LAMC1: variants seen among roughly 807,000 people sequenced by gnomAD.
LAMC1 encodes the protein laminin subunit gamma 1.
LAMC1 carries 38 observed loss-of-function variants against 173.6 expected under a neutral mutation model. That is an observed-to-expected ratio of 0.22 (90% CI 0.17 to 0.29). LAMC1 has a LOEUF of 0.29. Ranked by LOEUF, LAMC1 falls within the 10% of genes least tolerant of loss-of-function variation. The pLI is 1.00. For synonymous variants in LAMC1, 746 were observed against 749.1 expected, an observed-to-expected ratio of 1.00 and a Z score of 0.07; for missense variants, 1,824 against 2,051.8, an observed-to-expected ratio of 0.89 and a Z score of 2.14.
chr1:183,023,662 A>G lies in LAMC1; in HGVS notation c.-55A>G. 1 of 1,139,372 alleles carries G rather than the reference A, an allele frequency of 8.8e-7. No homozygotes were observed. 70.6% of individuals were successfully genotyped at this position (1,139,372 alleles called of 1,614,324 possible). A position where few individuals can be genotyped will look rare whatever the true frequency, so the allele number is the denominator to read the frequency against. Reference sequence around the variant, plus strand: ...GGCCTCCGGGGGACGCCGCTAGGCGAGAGGAACGCGCCGGTGCCCTTGCCT... The same window carrying G: ...GGCCTCCGGGGGACGCCGCTAGGCGGGAGGAACGCGCCGGTGCCCTTGCCT... On this transcript the variant is annotated 5_prime_UTR_variant, in exon 1 of 28. Transcript: ENST00000258341.
intron 1 of LAMC1, among the ~76,000 whole-genome samples, chr1:183,080,950 G>A (rs1335466871): frequency 2.1e-4 from 32 of 151,992 alleles, no homozygotes; most frequent in Admixed American, 2.1e-3. Flanking sequence ...GTGCGCTGGC[G>A]CGATCTTGGC....
intron 1 of LAMC1, among the ~76,000 whole-genome samples, chr1:183,063,527 G>C (rs1415559032): frequency 1.3e-5 from 2 of 152,212 alleles, no homozygotes. Context: ...GGAAGATGCT[G>C]ACATCTGATG....
chr1:183,131,782 T>G (rs1656803246), intron 20 of LAMC1, among the ~76,000 whole-genome samples: 1 of 152,250 alleles, frequency 6.6e-6, no homozygotes, highest in African/African-American at 2.4e-5. Flanking sequence ...CACAATTTTA[T>G]ATGTACATTA....
At chr1:183,094,392 C>T (rs7542277) in intron 1 of LAMC1, among the ~76,000 whole-genome samples, 71,605 of 152,108 alleles carry the variant, frequency 0.47, 18,354 homozygotes, top group East Asian at 0.61. Flanking sequence ...CGTTTTTCAC[C>T]GTCATCTGAC....
rs1270026418 is a variant in LAMC1, at chr1:183,023,948, G to A, written c.232G>A (p.Val78Met). Residue 78 changes from valine to methionine, a missense_variant, in exon 1 of 28, where the codon GTG (valine) becomes ATG (methionine). Transcript: ENST00000258341. ...TCGTPPEEYC[V>M]QTGVTGVTKS... Reference sequence around the variant, plus strand: ...TGGGACTCCGCCCGAGGAATACTGTGTGCAGACCGGGGTGACCGGGGTCAC... The same window carrying A: ...TGGGACTCCGCCCGAGGAATACTGTATGCAGACCGGGGTGACCGGGGTCAC... 6.2e-7 allele frequency: 1 copy of A among 1,613,224 alleles called. No homozygotes were observed. Among genetic ancestry groups the A allele is most frequent in the Non-Finnish European group, 8.5e-7 (1 of 1,179,982 alleles).
At position 183,062,219 on chromosome 1, in the gene LAMC1, A is replaced by G. The variant is rs974707166; in HGVS notation, c.418+38085A>G. Among the ~76,000 whole-genome samples the G allele has an allele frequency of 1.6e-4, 25 of 152,382 alleles. No homozygotes were observed. In the East Asian group the frequency reaches 4.4e-3, roughly 27 times the overall value. ...TGTTTGCAAAATTAAAAAAGTTCAA[A>G]GTTTCAAAGATACGAAGATTCTAAT... On this transcript the variant is annotated intron_variant, in intron 1 of 27. Transcript: ENST00000258341.
At chr1:183,027,650 C>T (rs1653723933) in intron 1 of LAMC1, among the ~76,000 whole-genome samples, 1 of 152,162 alleles carries the variant, frequency 6.6e-6, no homozygotes, top group East Asian at 1.9e-4. Flanking sequence ...TTCCAAGCTC[C>T]TCATAAACTG....
At chr1:183,111,955 C>T (rs544333571) in intron 4 of LAMC1, among the ~76,000 whole-genome samples, 181 of 152,262 alleles carry the variant, frequency 1.2e-3, no homozygotes, top group African/African-American at 4.3e-3. Flanking sequence ...AGGAGAATTG[C>T]TTGAACCTGG....
intron 1 of LAMC1, among the ~76,000 whole-genome samples, chr1:183,063,888 A>T (rs1030546213): frequency 6.6e-6 from 1 of 152,190 alleles, no homozygotes; most frequent in Non-Finnish European, 1.5e-5. Context: ...CGTAATTGAT[A>T]CGGATCCCTC....
At chr1:183,079,262 T>G (rs865828326) in intron 1 of LAMC1, among the ~76,000 whole-genome samples, 4,485 of 105,200 alleles carry the variant, frequency 0.043, 235 homozygotes, top group African/African-American at 0.11. Flanking sequence ...TTTTTTTTTT[T>G]TTTTTTTTTT....
intron 1 of LAMC1, among the ~76,000 whole-genome samples, chr1:183,045,400 T>C (rs1225632423): frequency 6.6e-6 from 1 of 152,082 alleles, no homozygotes; most frequent in Non-Finnish European, 1.5e-5. Flanking sequence ...AAAATAGTTT[T>C]GTAATTCCTA....
At position 183,110,514 on chromosome 1, in the gene LAMC1, A is replaced by G. The variant is rs1177584366; in HGVS notation, c.881A>G (p.Glu294Gly). The G allele has an allele frequency of 1.2e-6, 2 of 1,613,400 alleles. No individual in the cohort carries two copies. The highest frequency in any genetic ancestry group is 3.3e-5 in the Admixed American group (2 of 59,992). Residue 294 changes from glutamate to glycine, a missense_variant, in exon 4 of 28, where the codon GAG (glutamate) becomes GGG (glycine). Glu to Gly is a moderately conservative substitution (Grantham distance 98). Transcript: ENST00000258341. Reference sequence around the variant, plus strand: ...TGTAAATGTAATGGACACGCAAGCGAGTGTATGAAGAACGAATTTGATAAG... The same window carrying G: ...TGTAAATGTAATGGACACGCAAGCGGGTGTATGAAGAACGAATTTGATAAG... ...GRCKCNGHAS[E>G]CMKNEFDKLV...
intron 1 of LAMC1, among the ~76,000 whole-genome samples, chr1:183,037,454 A>T (rs561849222): frequency 5.3e-4 from 81 of 152,304 alleles, no homozygotes; most frequent in Non-Finnish European, 1.0e-3. Context: ...TAACCCTTAC[A>T]TGGTATGTTT....
At chr1:183,101,922 A>G (rs1245441840) in intron 1 of LAMC1, among the ~76,000 whole-genome samples, 4 of 152,204 alleles carry the variant, frequency 2.6e-5, no homozygotes, top group Non-Finnish European at 5.9e-5. Flanking sequence ...TTTATTATAG[A>G]GAACGCTCAG....
At chr1:183,137,473 T>C (rs1026108273) in intron 25 of LAMC1, among the ~76,000 whole-genome samples, 196 bp from the exon 26 acceptor site, 5 of 130,012 alleles carry the variant, frequency 3.8e-5, no homozygotes, top group Non-Finnish European at 8.4e-5. Flanking sequence ...CAAAATGTTA[T>C]TATGTGGGTA....
rs940324143 is a variant in LAMC1, at chr1:183,024,698, G to A, written c.418+564G>A. 1.6e-4 allele frequency among the ~76,000 whole-genome samples: 25 copies of A among 152,292 alleles called. No homozygotes were observed. The East Asian group carries it at 4.4e-3, about 27-fold the overall frequency. The stretch of plus-strand genomic sequence containing the variant: ...ACTTTTGAAGTTATTGTTCTTTATA[G>A]CTGCTCAGCCTTAATTAAGAACCAC... On this transcript the variant is annotated intron_variant, in intron 1 of 27. Transcript: ENST00000258341.
At chr1:183,137,865 T>C (rs1214443452) in intron 26 of LAMC1, 38 bp downstream of exon 26, 4 of 1,536,000 alleles carry the variant, frequency 2.6e-6, no homozygotes, top group Non-Finnish European at 2.6e-6. Flanking sequence ...TGGCAGAAAG[T>C]GAACAGTGTT....
At chr1:183,044,182 TA>T (rs1235272733) in intron 1 of LAMC1, among the ~76,000 whole-genome samples, 3 of 152,184 alleles carry the variant, frequency 2.0e-5, no homozygotes, top group Non-Finnish European at 4.4e-5. Flanking sequence ...CTTTCTTTTT[TA>T]TTTTTTTAAA....
At chr1:183,104,289 G>A (rs992603299) in intron 2 of LAMC1, among the ~76,000 whole-genome samples, 8 of 152,188 alleles carry the variant, frequency 5.3e-5, no homozygotes, top group African/African-American at 1.9e-4. Context: ...TGTTTGAGAA[G>A]GATTTCTTTT....
Sources: gnomAD v4.1 joint callset for allele counts (sites outside exome capture counted in the v4.1 genomes callset) on GRCh38, gnomAD v4.1.1 for gene constraint, MANE v1.5 for transcripts, NCBI Gene and HGNC (gene_info 2026-07-23, HGNC 2026-07-21) for gene names.